The following AGO2 variants were observed in gnomAD, a reference collection of about 807,000 sequenced individuals.
The protein encoded by AGO2 is argonaute RISC catalytic component 2.
Under a neutral mutation model 102.3 loss-of-function variants are expected in AGO2, and 5 were observed. That is an observed-to-expected ratio of 0.05 (90% CI 0.03 to 0.10). The LOEUF (loss-of-function observed/expected upper bound fraction) is 0.10, where lower values mean the gene tolerates loss of function less well. AGO2 is among the 10% of genes least tolerant of loss of function. The pLI is 1.00. For synonymous variants in AGO2, 449 were observed against 473.1 expected (o/e 0.95, Z 0.66); for missense variants, 541 against 1,183.7 (o/e 0.46, Z 7.97).
chr8:140,598,078 G>A (rs2073875257), intron 1 of AGO2, among the ~76,000 whole-genome samples: 1 of 152,236 alleles, frequency 6.6e-6, no homozygotes, highest in East Asian at 1.9e-4. Context: ...AACCCAGGAG[G>A]GTGAGAAAGG....
chr8:140,562,780 G>A (rs963693721), intron 3 of AGO2, 146 bp from the exon 4 acceptor site: 10 of 795,702 alleles, frequency 1.3e-5, no homozygotes, highest in Non-Finnish European at 2.0e-5. Flanking sequence ...ATGTGGCTAT[G>A]GAGCACTTGA....
chr8:140,538,877 G>A (rs2072743029), intron 16 of AGO2, among the ~76,000 whole-genome samples: 1 of 152,198 alleles, frequency 6.6e-6, no homozygotes, highest in East Asian at 1.9e-4. Flanking sequence ...AAGGCAAGAG[G>A]ATGGCTTAAG....
intron 1 of AGO2, among the ~76,000 whole-genome samples, chr8:140,587,460 C>T (rs149747574): frequency 3.3e-5 from 5 of 152,376 alleles, no homozygotes; most frequent in African/African-American, 1.2e-4. Flanking sequence ...GACGCCTCTG[C>T]AGGCCTTAGA....
chr8:140,581,881 T>C (rs1179657719), intron 2 of AGO2, among the ~76,000 whole-genome samples: 1 of 152,200 alleles, frequency 6.6e-6, no homozygotes. Flanking sequence ...TCTCTTAGCA[T>C]ATTCAGAGTT....
At chr8:140,562,712 T>G in intron 3 of AGO2, 78 bp from the exon 4 acceptor site, 1 of 1,527,104 alleles carries the variant, frequency 6.5e-7, no homozygotes, top group Non-Finnish European at 8.9e-7. Flanking sequence ...GTGGTTGGCT[T>G]CCAGACACTC....
chr8:140,562,667 C>G lies in AGO2; in HGVS notation c.337-33G>C, dbSNP rs2073222608. 3 of 1,599,298 alleles carry G rather than the reference C, an allele frequency of 1.9e-6. No individual in the cohort carries two copies. The East Asian group carries it at 6.7e-5, about 36-fold the overall frequency. The stretch of plus-strand genomic sequence containing the variant: ...GATCCAAGGCACACAAGGTTACTCC[C>G]TCCTGCGAAGCCCCAGGGAGGACGC... On this transcript the variant is annotated intron_variant, in intron 3 of 18. Transcript: ENST00000220592.
chr8:140,587,007 G>C (rs2073669936), intron 1 of AGO2, among the ~76,000 whole-genome samples: 1 of 152,168 alleles, frequency 6.6e-6, no homozygotes, highest in African/African-American at 2.4e-5. Flanking sequence ...AAGGTTTTGG[G>C]CTGGAACACG....
intron 3 of AGO2, among the ~76,000 whole-genome samples, chr8:140,563,429 C>T (rs1405030334): frequency 6.6e-6 from 1 of 152,164 alleles, no homozygotes; most frequent in Non-Finnish European, 1.5e-5. Context: ...AGAGATGGAG[C>T]TTCACCATGT....
intron 1 of AGO2, among the ~76,000 whole-genome samples, chr8:140,632,506 G>C (rs1400085115): frequency 1.3e-5 from 2 of 152,248 alleles, no homozygotes; most frequent in Non-Finnish European, 2.9e-5. Flanking sequence ...TCAAGTCTTA[G>C]ATGTCACAGA....
At chr8:140,538,641 C>A (rs1320528602) in intron 16 of AGO2, among the ~76,000 whole-genome samples, 1 of 152,202 alleles carries the variant, frequency 6.6e-6, no homozygotes, top group Non-Finnish European at 1.5e-5. Context: ...GCCACAGGGA[C>A]CTGCCGGGAG....
At chr8:140,544,386 A>T in intron 13 of AGO2, 83 bp from the exon 14 acceptor site, 6 of 1,160,052 alleles carry the variant, frequency 5.2e-6, no homozygotes, top group Non-Finnish European at 7.4e-6. Flanking sequence ...CACCTTTTGG[A>T]GGTGGTCAGT....
intron 1 of AGO2, among the ~76,000 whole-genome samples, chr8:140,624,659 G>A (rs773907240): frequency 6.6e-6 from 1 of 152,262 alleles, no homozygotes; most frequent in Non-Finnish European, 1.5e-5. Flanking sequence ...ACACCAGTGA[G>A]CAACGGGCAA....
intron 9 of AGO2, 51 bp downstream of exon 9, chr8:140,556,116 G>A: frequency 6.2e-7 from 1 of 1,611,552 alleles, no homozygotes; most frequent in South Asian, 1.1e-5. Flanking sequence ...TCTGTGCCAG[G>A]GCAACCGGAC....
chr8:140,620,314 G>A (rs944730393), intron 1 of AGO2, among the ~76,000 whole-genome samples: 6 of 152,188 alleles, frequency 3.9e-5, no homozygotes, highest in African/African-American at 1.2e-4. Context: ...CCTGCCCTAC[G>A]ATCAGACGAG....
rs1251805866 is a variant in AGO2 at position 140,526,330 on chromosome 8, T to A, written c.*5714A>T. The A allele has an allele frequency of 6.6e-6, 1 of 152,224 alleles. No homozygotes were observed. Among genetic ancestry groups the A allele is most frequent in the Admixed American group, 6.5e-5 (1 of 15,290 alleles). 9.4% of individuals were successfully genotyped at this position (152,224 alleles called of 1,614,324 possible). A position where few individuals can be genotyped will look rare whatever the true frequency, so the allele number is the denominator to read the frequency against. On this transcript the variant is annotated 3_prime_UTR_variant, in exon 19 of 19. Coordinates refer to ENST00000220592, the MANE Select transcript of AGO2 (RefSeq NM_012154.5). The surrounding 1 kb of genome is among the most constrained non-coding windows in gnomAD (Gnocchi z 5.2). ...GGCTGTTTCAAGATTTTGCCACACCTGCGCAGGCTCCTGCCAGCCTGAAGG... is the reference window on the plus strand; with the variant it reads ...GGCTGTTTCAAGATTTTGCCACACCAGCGCAGGCTCCTGCCAGCCTGAAGG...
At chr8:140,635,646 C>T, upstream of AGO2, 2 of 465,586 alleles carry the variant, frequency 4.3e-6, no homozygotes, top group Non-Finnish European at 5.6e-6. Context: ...TTACCCGACG[C>T]GGCCGGGGCG....
At chr8:140,624,441 A>G (rs1878478) in intron 1 of AGO2, among the ~76,000 whole-genome samples, 39,725 of 152,194 alleles carry the variant, frequency 0.26, 6,026 homozygotes, top group African/African-American at 0.4. Flanking sequence ...CCAAACTTGG[A>G]GAGCCTGCAT....
intron 2 of AGO2, among the ~76,000 whole-genome samples, chr8:140,582,143 G>A (rs2073567707): frequency 6.6e-6 from 1 of 152,146 alleles, no homozygotes; most frequent in Non-Finnish European, 1.5e-5. Context: ...ATCTAGAATA[G>A]CTAAAACAAT....
At chr8:140,535,276 C>T (rs1333031430) in intron 17 of AGO2, 192 bp downstream of exon 17, 2 of 603,300 alleles carry the variant, frequency 3.3e-6, no homozygotes, top group East Asian at 5.7e-5. Context: ...GAGGCTCATG[C>T]TGACCCACCC....
Sources: gnomAD v4.1 joint callset for allele counts (sites outside exome capture counted in the v4.1 genomes callset) on GRCh38, gnomAD v4.1.1 for gene constraint, Gnocchi (gnomAD v3.1) non-coding constraint, MANE v1.5 for transcripts, NCBI Gene and HGNC (gene_info 2026-07-23, HGNC 2026-07-21) for gene names.